The following C8orf88 variants were observed in gnomAD, a reference collection of about 807,000 sequenced individuals.
C8orf88 encodes the protein chromosome 8 open reading frame 88.
C8orf88 carries 14 observed loss-of-function variants against 18.4 expected under a neutral mutation model. The observed-to-expected ratio is 0.76, with a 90% confidence interval of 0.50 to 1.19. C8orf88 has a LOEUF of 1.19. Among genes scored for constraint, C8orf88 ranks in the 50% most tolerant of loss-of-function variants. The pLI is 0.00. For missense variants in C8orf88, 116 were observed against 134.7 expected (o/e 0.86, Z 0.69); for synonymous variants, 45 against 42.9 (o/e 1.05, Z -0.19).
chr8:90,972,145 T>G (rs547675104), intron 3 of C8orf88, among the ~76,000 whole-genome samples: 1 of 152,052 alleles, frequency 6.6e-6, no homozygotes, highest in African/African-American at 2.4e-5. Context: ...TTGTAAGCCA[T>G]TCCTTAAATT....
chr8:90,968,938 C>G (rs1029204967), intron 4 of C8orf88, among the ~76,000 whole-genome samples: 4 of 151,012 alleles, frequency 2.6e-5, no homozygotes, highest in Non-Finnish European at 4.4e-5. Context: ...CACTTGTCAC[C>G]CACTAGGATT....
intron 3 of C8orf88, among the ~76,000 whole-genome samples, chr8:90,977,815 C>T (rs956554090): frequency 3.9e-5 from 6 of 151,964 alleles, no homozygotes; most frequent in Admixed American, 6.6e-5. Flanking sequence ...GGTGTCGTGG[C>T]GGGTGCCTAT....
intron 3 of C8orf88, among the ~76,000 whole-genome samples, chr8:90,976,218 A>G (rs1811348070): frequency 6.6e-6 from 1 of 152,088 alleles, no homozygotes; most frequent in South Asian, 2.1e-4. Context: ...GGTTCATTAC[A>G]TAGCATAAAT....
intron 4 of C8orf88, among the ~76,000 whole-genome samples, chr8:90,963,563 A>C (rs1287025386): frequency 6.6e-6 from 1 of 151,822 alleles, no homozygotes; most frequent in Non-Finnish European, 1.5e-5. Context: ...TCAAAGAGCT[A>C]AAGAAAATTA....
chr8:90,967,805 TAAA>T (rs963654865), intron 4 of C8orf88, among the ~76,000 whole-genome samples: 2 of 151,698 alleles, frequency 1.3e-5, no homozygotes, highest in Admixed American at 1.3e-4. Context: ...CAATGAATAA[TAAA>T]AAGATTCCAT....
chr8:90,969,497 A>G (rs930711123), intron 4 of C8orf88, among the ~76,000 whole-genome samples: 9 of 151,942 alleles, frequency 5.9e-5, no homozygotes, highest in Non-Finnish European at 1.3e-4. Context: ...GATATAAAAT[A>G]TGTACAGCTA....
chr8:90,968,623 A>G (rs1811237790), intron 4 of C8orf88, among the ~76,000 whole-genome samples: 1 of 133,284 alleles, frequency 7.5e-6, no homozygotes, highest in Non-Finnish European at 1.6e-5. Context: ...TATCAAGAGA[A>G]TAACACAATC....
At chr8:90,969,206 A>G (rs2130309792) in intron 4 of C8orf88, among the ~76,000 whole-genome samples, 1 of 151,968 alleles carries the variant, frequency 6.6e-6, no homozygotes, top group Admixed American at 6.6e-5. Context: ...CCAAGAAGTG[A>G]AAACAACTCA....
At chr8:90,970,014 AGTT>A (rs1484765501) in intron 4 of C8orf88, among the ~76,000 whole-genome samples, 21 of 152,080 alleles carry the variant, frequency 1.4e-4, no homozygotes, top group African/African-American at 4.8e-4. Context: ...AGTGTGACAG[AGTT>A]GTTGGAGCAT....
intron 4 of C8orf88, among the ~76,000 whole-genome samples, chr8:90,964,539 G>A (rs1811168570): frequency 6.6e-6 from 1 of 151,528 alleles, no homozygotes; most frequent in Admixed American, 6.6e-5. Context: ...AGACTTAAAG[G>A]ATAGTACACA....
chr8:90,981,159 C>G (rs1027230796), intron 1 of C8orf88, among the ~76,000 whole-genome samples: 1 of 151,968 alleles, frequency 6.6e-6, no homozygotes, highest in African/African-American at 2.4e-5. Flanking sequence ...TCACAGGTAC[C>G]TCAAATTCAA....
intron 4 of C8orf88, among the ~76,000 whole-genome samples, chr8:90,966,645 T>C (rs1002494648): frequency 1.3e-5 from 2 of 151,038 alleles, no homozygotes; most frequent in African/African-American, 4.9e-5. Flanking sequence ...AAAAAATGAC[T>C]CAAATTACTA....
rs34167108 is a variant in C8orf88, at chr8:90,966,498, T to TATAATA, written c.223+4562_223+4567dup. ...TGCACATGTACCCTAAAACTTAAAG[T>TATAATA]ATAATAATAATAATAATAATAATAA... On this transcript the variant is annotated intron_variant, in intron 4 of 5. Transcript: ENST00000517562. Among the ~76,000 whole-genome samples the TATAATA allele has an allele frequency of 2.4e-3, 343 of 140,770 alleles. 1 individual carries two copies. The highest frequency in any genetic ancestry group is 7.4e-3 in the Middle Eastern group (2 of 272). 92.4% of individuals were successfully genotyped at this position (140,770 alleles called of 152,430 possible).
chr8:90,975,268 G>A (rs1055934827), intron 3 of C8orf88, among the ~76,000 whole-genome samples: 1 of 151,994 alleles, frequency 6.6e-6, no homozygotes, highest in South Asian at 2.1e-4. Flanking sequence ...TTCACAACCT[G>A]GTTTCAAGAC....
chr8:90,968,021 C>T (rs1228435368), intron 4 of C8orf88, among the ~76,000 whole-genome samples: 1 of 151,752 alleles, frequency 6.6e-6, no homozygotes, highest in Non-Finnish European at 1.5e-5. Context: ...AAATTCAACG[C>T]TATCCCTATC....
chr8:90,972,501 T>C (rs1230749948), intron 3 of C8orf88, among the ~76,000 whole-genome samples: 1 of 152,120 alleles, frequency 6.6e-6, no homozygotes, highest in African/African-American at 2.4e-5. Flanking sequence ...AAATGCAAGA[T>C]CTAAAATCAA....
chr8:90,977,931 G>C (rs1811374648), intron 3 of C8orf88, among the ~76,000 whole-genome samples: 1 of 152,052 alleles, frequency 6.6e-6, no homozygotes, highest in Non-Finnish European at 1.5e-5. Context: ...TGGGCAACAA[G>C]AGTGAAACTC....
intron 4 of C8orf88, among the ~76,000 whole-genome samples, chr8:90,969,000 C>G (rs1354082678): frequency 2.6e-5 from 4 of 151,240 alleles, no homozygotes; most frequent in Non-Finnish European, 5.9e-5. Flanking sequence ...GGTTGGAAAC[C>G]CTAGTACCTT....
chr8:90,965,458 A>G (rs1811180176), intron 4 of C8orf88, among the ~76,000 whole-genome samples: 1 of 151,778 alleles, frequency 6.6e-6, no homozygotes, highest in South Asian at 2.1e-4. Flanking sequence ...GGAAAACTTA[A>G]CAGAAGATCA....
Sources: gnomAD v4.1 joint callset for allele counts (sites outside exome capture counted in the v4.1 genomes callset) on GRCh38, gnomAD v4.1.1 for gene constraint, MANE v1.5 for transcripts, NCBI Gene and HGNC (gene_info 2026-07-23, HGNC 2026-07-21) for gene names.